The following TPP2 variants were observed in gnomAD, a reference collection of about 807,000 sequenced individuals.
The protein encoded by TPP2 is tripeptidyl-peptidase 2.
TPP2 carries 34 observed loss-of-function variants against 155.9 expected under a neutral mutation model. The ratio of observed to expected loss-of-function variants is 0.22; its 90% CI spans 0.17 to 0.29. The LOEUF (loss-of-function observed/expected upper bound fraction) is 0.29, where lower values mean the gene tolerates loss of function less well. Ranked by LOEUF, TPP2 falls within the 10% of genes least tolerant of loss-of-function variation. The pLI is 1.00. For synonymous variants in TPP2, 510 were observed against 529.4 expected, an observed-to-expected ratio of 0.96 and a Z score of 0.50; for missense variants, 1,028 against 1,522.3, an observed-to-expected ratio of 0.68 and a Z score of 5.40.
At chr13:102,608,657 A>G (rs1880032034) in intron 2 of TPP2, among the ~76,000 whole-genome samples, 1 of 152,120 alleles carries the variant, frequency 6.6e-6, no homozygotes, top group Admixed American at 6.6e-5. Context: ...CATGTATGCA[A>G]CATTTTATCT....
intron 25 of TPP2, among the ~76,000 whole-genome samples, chr13:102,663,193 G>A (rs370758494): frequency 1.9e-4 from 29 of 151,916 alleles, no homozygotes; most frequent in African/African-American, 5.3e-4. Flanking sequence ...CTGTCACCCG[G>A]CTGGAGTGCA....
At chr13:102,616,271 A>T in intron 3 of TPP2, 125 bp from the exon 4 acceptor site, 1 of 727,538 alleles carries the variant, frequency 1.4e-6, no homozygotes, top group Non-Finnish European at 2.1e-6. Context: ...ATGATTTTTT[A>T]AAACCTCTCT....
intron 25 of TPP2, among the ~76,000 whole-genome samples, chr13:102,657,569 A>T (rs1261356898): frequency 6.6e-6 from 1 of 152,080 alleles, no homozygotes; most frequent in Non-Finnish European, 1.5e-5. Context: ...TGTGAATAAA[A>T]TTAGTTTCCA....
At chr13:102,656,260 G>A (rs1305627858) in intron 24 of TPP2, among the ~76,000 whole-genome samples, 3 of 152,084 alleles carry the variant, frequency 2.0e-5, no homozygotes, top group Non-Finnish European at 4.4e-5. Context: ...GCTTCTTAGT[G>A]CACTTGGAAT....
intron 10 of TPP2, chr13:102,631,489 A>G (rs1882014723): frequency 6.6e-6 from 1 of 152,248 alleles, no homozygotes; most frequent in East Asian, 1.9e-4. Context: ...GTTTTTGTTC[A>G]GTTAATAAAA....
intron 10 of TPP2, 94 bp from the exon 11 acceptor site, chr13:102,633,856 T>C: frequency 2.6e-6 from 4 of 1,551,010 alleles, no homozygotes; most frequent in Non-Finnish European, 3.5e-6. Context: ...TACATAGTGT[T>C]ATACTATTGG....
At chr13:102,617,156 C>T (rs1188402121) in intron 4 of TPP2, among the ~76,000 whole-genome samples, 2 of 151,770 alleles carry the variant, frequency 1.3e-5, no homozygotes, top group Non-Finnish European at 2.9e-5. Context: ...CCTTGTGATA[C>T]GCCCACCTTG....
At chr13:102,633,304 G>A (rs1278337855) in intron 10 of TPP2, among the ~76,000 whole-genome samples, 4 of 152,194 alleles carry the variant, frequency 2.6e-5, no homozygotes, top group Non-Finnish European at 5.9e-5. Flanking sequence ...CAGCAGTCAG[G>A]GACGTGAGGT....
intron 25 of TPP2, among the ~76,000 whole-genome samples, chr13:102,658,569 T>G (rs949556339): frequency 1.3e-5 from 2 of 152,216 alleles, no homozygotes; most frequent in Non-Finnish European, 2.9e-5. Context: ...AAACAACTTT[T>G]TAAAGCCTCT....
chr13:102,637,372 A>T, intron 14 of TPP2, 133 bp downstream of exon 14: 2 of 941,368 alleles, frequency 2.1e-6, no homozygotes. Context: ...CTGCCAGGTT[A>T]TTCAGTTCTT....
At chr13:102,643,866 G>A (rs1388877679) in intron 17 of TPP2, among the ~76,000 whole-genome samples, 3 of 152,166 alleles carry the variant, frequency 2.0e-5, no homozygotes, top group East Asian at 1.9e-4. Context: ...TTCCATAGAA[G>A]GTGAAAGTAC....
At chr13:102,670,838 T>G (rs1241781075) in intron 27 of TPP2, among the ~76,000 whole-genome samples, 1 of 152,228 alleles carries the variant, frequency 6.6e-6, no homozygotes, top group African/African-American at 2.4e-5. Flanking sequence ...TTAGAATGTA[T>G]CCACGATATT....
chr13:102,663,476 C>T (rs9585957), intron 25 of TPP2, among the ~76,000 whole-genome samples, 172 bp from the exon 26 acceptor site: 75,550 of 152,114 alleles, frequency 0.5, 19,144 homozygotes, highest in African/African-American at 0.6. Flanking sequence ...TTCTAGTTAA[C>T]CATTTATACT....
At chr13:102,641,679 G>GT (rs1285259838) in intron 16 of TPP2, among the ~76,000 whole-genome samples, 3 of 152,004 alleles carry the variant, frequency 2.0e-5, no homozygotes, top group Admixed American at 6.6e-5. Context: ...GACTTTTCTT[G>GT]TTTTTTGTAA....
In TPP2 at chr13:102,604,867, A is replaced by G. The variant is rs781017136; in HGVS notation, c.240A>G (p.Thr80=). 6 of 1,614,052 alleles carry G rather than the reference A, an allele frequency of 3.7e-6. No homozygotes were observed. Among genetic ancestry groups the G allele is most frequent in the Admixed American group, 3.3e-5 (2 of 60,004 alleles). The stretch of plus-strand genomic sequence containing the variant: ...GAAGTGGCGATGTGAATACTGCTAC[A>G]GAAGTAGAGCCAAAGGATGGTGAGA... ...TTGSGDVNTA[T]EVEPKDGEIV... The change falls in exon 2 of 30, where the codon ACA becomes ACG. Residue 80 remains threonine (T), a synonymous_variant. Coordinates refer to ENST00000376052, the MANE Select transcript of TPP2 (RefSeq NM_001330588.2).
intron 6 of TPP2, among the ~76,000 whole-genome samples, chr13:102,624,210 T>C (rs184045768): frequency 6.6e-6 from 1 of 152,266 alleles, no homozygotes; most frequent in Non-Finnish European, 1.5e-5. Context: ...ATGTTAAATA[T>C]ATAGATGGAA....
chr13:102,629,651 C>A (rs1228003345), intron 9 of TPP2, 42 bp downstream of exon 9: 1 of 1,539,260 alleles, frequency 6.5e-7, no homozygotes, highest in Non-Finnish European at 8.7e-7. Flanking sequence ...TAGAAACAAG[C>A]AAACAAAAAA....
chr13:102,600,109 C>T (rs943585477), intron 1 of TPP2, among the ~76,000 whole-genome samples: 1 of 152,092 alleles, frequency 6.6e-6, no homozygotes, highest in Non-Finnish European at 1.5e-5. Context: ...CATTTGCCAT[C>T]CAACTCTGGC....
chr13:102,673,499 G>A (rs1566377008), intron 27 of TPP2, among the ~76,000 whole-genome samples: 1 of 152,170 alleles, frequency 6.6e-6, no homozygotes, highest in African/African-American at 2.4e-5. Context: ...TGTAGGTGGT[G>A]GTTGTATTTC....
Sources: gnomAD v4.1 joint callset for allele counts (sites outside exome capture counted in the v4.1 genomes callset) on GRCh38, gnomAD v4.1.1 for gene constraint, MANE v1.5 for transcripts, NCBI Gene and HGNC (gene_info 2026-07-23, HGNC 2026-07-21) for gene names.